Variants in RHOBTB3 observed in about 807,000 individuals in gnomAD.
RHOBTB3 encodes rho-related BTB domain-containing protein 3.
In RHOBTB3, 47 loss-of-function variants were observed where a neutral mutation model predicts 67.2. That is an observed-to-expected ratio of 0.70 (90% CI 0.55 to 0.89). RHOBTB3 has a LOEUF of 0.89. Ranked by LOEUF, RHOBTB3 falls within the 40% of genes least tolerant of loss-of-function variation. RHOBTB3 has a pLI of 0.00. For synonymous variants in RHOBTB3, 273 were observed against 274.2 expected (o/e 1.00, Z 0.04); for missense variants, 631 against 750.0 (o/e 0.84, Z 1.85).
upstream of RHOBTB3, chr5:95,731,030 C>T (rs541331996): frequency 4.1e-6 from 4 of 967,614 alleles, no homozygotes; most frequent in South Asian, 1.6e-5. Flanking sequence ...CCCCACCCCC[C>T]TTTCCTGGCT....
chr5:95,739,660 C>G (rs189800111), intron 3 of RHOBTB3, among the ~76,000 whole-genome samples: 1 of 152,098 alleles, frequency 6.6e-6, no homozygotes, highest in Non-Finnish European at 1.5e-5. Flanking sequence ...GAACGATGCC[C>G]CCCACCTCAG....
At chr5:95,748,981 TG>T (rs1236024425) in intron 4 of RHOBTB3, among the ~76,000 whole-genome samples, 3 of 152,212 alleles carry the variant, frequency 2.0e-5, no homozygotes, top group Non-Finnish European at 4.4e-5. Context: ...TATAAATAGC[TG>T]CTTGTTGGAT....
chr5:95,783,980 A>G lies in RHOBTB3; in HGVS notation c.1623+17A>G, dbSNP rs570977117. ...AAGGCCAAGGTAATTGACTCTGTGT[A>G]TCTGATAGCCTAGTTTTTTATAAAA... On this transcript the variant is annotated intron_variant, in intron 10 of 11. Coordinates refer to ENST00000379982, the MANE Select transcript of RHOBTB3 (RefSeq NM_014899.4). 2.6e-6 allele frequency: 4 copies of G among 1,562,342 alleles called. No individual in the cohort carries two copies. In the African/African-American group the frequency reaches 4.1e-5, roughly 16 times the overall value.
At position 95,763,599 on chromosome 5, in the gene RHOBTB3, C is replaced by T; in HGVS notation, c.1140C>T (p.Cys380=). The change falls in exon 7 of 12, where the codon TGC becomes TGT. Residue 380 remains cysteine (C), a synonymous_variant. Coordinates refer to ENST00000379982, the MANE Select transcript of RHOBTB3 (RefSeq NM_014899.4). ...DVSNVIEKVK[C]ILKTPGKINC... is the part of the protein sequence containing the mutation. The stretch of plus-strand genomic sequence containing the variant: ...CAAATGTAATCGAGAAAGTTAAATG[C>T]ATTTTAAAAACACCAGGAAAGGTAA... 3 of 1,603,318 alleles carry T rather than the reference C, an allele frequency of 1.9e-6. No individual in the cohort carries two copies. The highest frequency in any genetic ancestry group is 2.6e-6 in the Non-Finnish European group (3 of 1,170,846).
At chr5:95,767,920 A>G (rs768852505) in intron 7 of RHOBTB3, 126 bp from the exon 8 acceptor site, 1 of 901,228 alleles carries the variant, frequency 1.1e-6, no homozygotes, top group East Asian at 2.5e-5. Context: ...GTGATCAGAG[A>G]TGTCATAGAG....
chr5:95,742,647 AT>A (rs1332446918), intron 3 of RHOBTB3, among the ~76,000 whole-genome samples: 31 of 152,122 alleles, frequency 2.0e-4, no homozygotes, highest in African/African-American at 7.0e-4. Flanking sequence ...TGGTTCACAC[AT>A]TAGTTCTGCT....
chr5:95,783,190 C>T (rs1001782223), intron 9 of RHOBTB3, among the ~76,000 whole-genome samples: 2 of 151,560 alleles, frequency 1.3e-5, no homozygotes, highest in African/African-American at 4.9e-5. Flanking sequence ...GGCATGATCT[C>T]CGCTCACTGC....
chr5:95,779,466 A>G lies in RHOBTB3; in HGVS notation c.1283-786A>G, dbSNP rs527392605. Among the ~76,000 whole-genome samples the G allele has an allele frequency of 2.6e-5, 4 of 152,370 alleles. No individual in the cohort carries two copies. In the East Asian group the frequency reaches 7.7e-4, roughly 29 times the overall value. On this transcript the variant is annotated intron_variant, in intron 8 of 11. Coordinates refer to ENST00000379982, the MANE Select transcript of RHOBTB3 (RefSeq NM_014899.4). Reference sequence around the variant, plus strand: ...TGGAAGTAGAGAGCCCTGGCCACTCACGGCCCTATCCAGCGCTGCCTTTGT... The same window carrying G: ...TGGAAGTAGAGAGCCCTGGCCACTCGCGGCCCTATCCAGCGCTGCCTTTGT...
At chr5:95,749,840 C>T (rs1745038260) in intron 4 of RHOBTB3, among the ~76,000 whole-genome samples, 2 of 152,312 alleles carry the variant, frequency 1.3e-5, no homozygotes, top group Middle Eastern at 6.8e-3. Context: ...GGATCCTGAA[C>T]CTGAAATTCC....
At chr5:95,771,794 A>G (rs1021486605) in intron 8 of RHOBTB3, among the ~76,000 whole-genome samples, 3 of 152,242 alleles carry the variant, frequency 2.0e-5, no homozygotes, top group Admixed American at 1.3e-4. Flanking sequence ...ACATTTACTA[A>G]AAGTGTTTGG....
At chr5:95,760,157 G>A (rs1489369528) in intron 6 of RHOBTB3, among the ~76,000 whole-genome samples, 2 of 152,144 alleles carry the variant, frequency 1.3e-5, no homozygotes, top group Non-Finnish European at 2.9e-5. Context: ...AGTAGACACA[G>A]TCAAGGTATA....
At chr5:95,774,973 A>G (rs1561453158) in intron 8 of RHOBTB3, among the ~76,000 whole-genome samples, 2 of 152,288 alleles carry the variant, frequency 1.3e-5, no homozygotes, top group African/African-American at 2.4e-5. Context: ...GTCTTGAAAC[A>G]GTGTTGTATT....
upstream of RHOBTB3, among the ~76,000 whole-genome samples, chr5:95,728,812 G>C (rs1755132093): frequency 6.6e-6 from 1 of 152,176 alleles, no homozygotes; most frequent in African/African-American, 2.4e-5. Flanking sequence ...CAAAGACCTT[G>C]CTGATAAAAC....
At chr5:95,792,080 AG>A (rs1190586609) in intron 11 of RHOBTB3, among the ~76,000 whole-genome samples, 2 of 152,204 alleles carry the variant, frequency 1.3e-5, no homozygotes, top group Non-Finnish European at 2.9e-5. Flanking sequence ...TCCAACTCCA[AG>A]GCAGGAAGCA....
chr5:95,788,728 T>C, intron 10 of RHOBTB3, 34 bp from the exon 11 acceptor site: 1 of 1,392,816 alleles, frequency 7.2e-7, no homozygotes, highest in South Asian at 1.2e-5. Flanking sequence ...GGCCATTATG[T>C]GCAATATTAT....
At chr5:95,748,885 A>G (rs1745005579) in intron 4 of RHOBTB3, among the ~76,000 whole-genome samples, 1 of 152,110 alleles carries the variant, frequency 6.6e-6, no homozygotes, top group African/African-American at 2.4e-5. Flanking sequence ...GGAAAGAATA[A>G]TTTTTCTTCC....
At chr5:95,769,903 G>A (rs1420213515) in intron 8 of RHOBTB3, 2 of 351,456 alleles carry the variant, frequency 5.7e-6, no homozygotes, top group South Asian at 2.5e-5. Flanking sequence ...CTTTTGAATA[G>A]GCTAAAAGCT....
intron 3 of RHOBTB3, among the ~76,000 whole-genome samples, chr5:95,739,250 A>G (rs1755537203): frequency 6.6e-6 from 1 of 152,206 alleles, no homozygotes; most frequent in Admixed American, 6.5e-5. Flanking sequence ...GTTGATTAAG[A>G]AGCCCTTTTG....
chr5:95,735,347 T>C (rs1200181786), intron 2 of RHOBTB3, among the ~76,000 whole-genome samples: 1 of 152,010 alleles, frequency 6.6e-6, no homozygotes, highest in Non-Finnish European at 1.5e-5. Flanking sequence ...CAAAAAATTC[T>C]GCAGTTCTTG....
Sources: gnomAD v4.1 joint callset for allele counts (sites outside exome capture counted in the v4.1 genomes callset) on GRCh38, gnomAD v4.1.1 for gene constraint, MANE v1.5 for transcripts, NCBI Gene and HGNC (gene_info 2026-07-23, HGNC 2026-07-21) for gene names.